ADAM2: variants seen among roughly 807,000 people sequenced by gnomAD.
ADAM2 encodes the protein disintegrin and metalloproteinase domain-containing protein 2.
In ADAM2, 101 loss-of-function variants were observed where a neutral mutation model predicts 99.3. That is an observed-to-expected ratio of 1.02 (90% CI 0.87 to 1.20). The LOEUF (loss-of-function observed/expected upper bound fraction) is 1.20. Ranked by LOEUF, ADAM2 falls within the 50% of genes most tolerant of loss-of-function variation. The probability of loss-of-function intolerance (pLI) is 0.00; values close to 1 mark genes in which losing one functional copy is unlikely to be tolerated. For synonymous variants in ADAM2, 323 were observed against 287.6 expected (o/e 1.12, Z -1.25); for missense variants, 948 against 878.7 (o/e 1.08, Z -1.00).
intron 10 of ADAM2, among the ~76,000 whole-genome samples, chr8:39,779,389 C>T (rs1803130188): frequency 6.6e-6 from 1 of 152,082 alleles, no homozygotes; most frequent in South Asian, 2.1e-4. Flanking sequence ...AGCCCCCCAC[C>T]ATGACCTATT....
intron 11 of ADAM2, among the ~76,000 whole-genome samples, chr8:39,771,928 A>G (rs1163304414): frequency 6.6e-6 from 1 of 152,036 alleles, no homozygotes; most frequent in African/African-American, 2.4e-5. Flanking sequence ...TAACATTGTC[A>G]TTAGAAAGTC....
chr8:39,801,929 G>A (rs1804230422), intron 7 of ADAM2, among the ~76,000 whole-genome samples: 1 of 152,066 alleles, frequency 6.6e-6, no homozygotes, highest in Admixed American at 6.5e-5. Flanking sequence ...CCCGCCCAGG[G>A]AGCTTAGGCA....
Position 39,823,286 on chromosome 8 carries a change from A to C in ADAM2, c.267+1533T>G, listed in dbSNP as rs527870721. ...TTTTGTAGATAAGTCTTTATTTATC[A>C]AGATAATATGACTTTAGGAATGGGA... On this transcript the variant is annotated intron_variant, in intron 4 of 20. Transcript: ENST00000265708. Among the ~76,000 whole-genome samples, 3 of 152,280 alleles carry C rather than the reference A, an allele frequency of 2.0e-5. No individual in the cohort carries two copies. In the East Asian group the frequency reaches 5.8e-4, roughly 29 times the overall value.
At chr8:39,800,286 C>T (rs1285020133) in intron 7 of ADAM2, among the ~76,000 whole-genome samples, 2 of 152,160 alleles carry the variant, frequency 1.3e-5, no homozygotes, top group Non-Finnish European at 2.9e-5. Context: ...ACTTATGATG[C>T]TTAATTTGGC....
intron 7 of ADAM2, among the ~76,000 whole-genome samples, chr8:39,794,082 T>C (rs1205871272): frequency 3.3e-5 from 5 of 152,184 alleles, no homozygotes; most frequent in Admixed American, 6.6e-5. Flanking sequence ...TGCATGTGTT[T>C]TTATGAACTA....
At chr8:39,756,347 T>A (rs1802150688) in intron 15 of ADAM2, among the ~76,000 whole-genome samples, 2 of 152,216 alleles carry the variant, frequency 1.3e-5, no homozygotes, top group Non-Finnish European at 2.9e-5. Context: ...TTAACAAAAA[T>A]AACCATTAAT....
At chr8:39,752,791 A>C (rs1039727918) in intron 16 of ADAM2, among the ~76,000 whole-genome samples, 2 of 152,000 alleles carry the variant, frequency 1.3e-5, no homozygotes, top group Non-Finnish European at 2.9e-5. Context: ...TGGTTTTATA[A>C]AGGGCAGTTC....
intron 10 of ADAM2, among the ~76,000 whole-genome samples, chr8:39,786,634 C>G (rs1803477776): frequency 6.6e-6 from 1 of 152,068 alleles, no homozygotes; most frequent in East Asian, 1.9e-4. Flanking sequence ...ATTATGTTCA[C>G]TACATAATTA....
At chr8:39,779,147 C>A (rs1803119059) in intron 10 of ADAM2, among the ~76,000 whole-genome samples, 1 of 151,716 alleles carries the variant, frequency 6.6e-6, no homozygotes, top group African/African-American at 2.4e-5. Context: ...ATCAAAATAC[C>A]AAAGACTTGA....
chr8:39,796,809 T>C (rs998247376), intron 7 of ADAM2, among the ~76,000 whole-genome samples: 4 of 152,242 alleles, frequency 2.6e-5, no homozygotes, highest in Non-Finnish European at 4.4e-5. Flanking sequence ...GGAGCTTTTT[T>C]TTCCATATGT....
At chr8:39,831,694 G>A (rs1383576009) in intron 3 of ADAM2, among the ~76,000 whole-genome samples, 1 of 152,098 alleles carries the variant, frequency 6.6e-6, no homozygotes, top group East Asian at 1.9e-4. Context: ...AAATATTCTT[G>A]AAGAGTAGAT....
intron 16 of ADAM2, among the ~76,000 whole-genome samples, chr8:39,752,876 G>A (rs1403635385): frequency 6.6e-6 from 1 of 152,110 alleles, no homozygotes; most frequent in Non-Finnish European, 1.5e-5. Flanking sequence ...CCATGATTGT[G>A]AGGCCTCCCC....
intron 3 of ADAM2, 44 bp downstream of exon 3, chr8:39,833,900 T>G (rs1805714007): frequency 9.5e-7 from 1 of 1,057,512 alleles, no homozygotes; most frequent in Non-Finnish European, 1.5e-6. Context: ...GCAAAAATTA[T>G]AAGTAGAACA....
At chr8:39,757,445 G>T (rs1244076704) in intron 15 of ADAM2, among the ~76,000 whole-genome samples, 12 of 152,196 alleles carry the variant, frequency 7.9e-5, no homozygotes, top group African/African-American at 2.7e-4. Flanking sequence ...CAAGGTTGAA[G>T]ATTCTTAGCT....
chr8:39,779,089 T>C (rs998799610), intron 10 of ADAM2, among the ~76,000 whole-genome samples: 1 of 152,132 alleles, frequency 6.6e-6, no homozygotes, highest in African/African-American at 2.4e-5. Context: ...TTTCCTTTTA[T>C]TGTATTTCCT....
chr8:39,834,732 CAAAAAAAAAAA>C (rs79431764), intron 2 of ADAM2, among the ~76,000 whole-genome samples: 4 of 52,962 alleles, frequency 7.6e-5, no homozygotes, highest in East Asian at 7.2e-4. Context: ...AAGACTCCAT[CAAAAAAAAAAA>C]AAAAAAAAAA....
At chr8:39,789,043 T>C (rs1283457098) in intron 7 of ADAM2, among the ~76,000 whole-genome samples, 1 of 151,580 alleles carries the variant, frequency 6.6e-6, no homozygotes, top group Non-Finnish European at 1.5e-5. Flanking sequence ...AGTTTAGCTC[T>C]AAACCGGAAT....
At position 39,821,128 on chromosome 8, in the gene ADAM2, G is replaced by A; in HGVS notation, c.387C>T (p.Pro129=). 2 of 1,609,794 alleles carry A rather than the reference G, an allele frequency of 1.2e-6. 1 individual carries two copies. The highest frequency in any genetic ancestry group is 2.2e-5 in the South Asian group (2 of 90,314). ...QFENVSYGIE[P]LESSVGFEHV... ...GTTCAAAGCCAACTGAAGACTCCAGGGGTTCTATTCCATAACTAACATTTT... is the reference window on the plus strand; with the variant it reads ...GTTCAAAGCCAACTGAAGACTCCAGAGGTTCTATTCCATAACTAACATTTT... The change falls in exon 6 of 21, where the codon CCC becomes CCT. Residue 129 remains proline (P), a synonymous_variant. Transcript: ENST00000265708.
At chr8:39,805,235 G>A (rs1041091904) in intron 7 of ADAM2, among the ~76,000 whole-genome samples, 34 of 152,260 alleles carry the variant, frequency 2.2e-4, no homozygotes, top group African/African-American at 8.2e-4. Flanking sequence ...ATCACATTGG[G>A]GATTATGTTT....
Sources: allele counts gnomAD v4.1 joint callset (sites outside exome capture counted in the v4.1 genomes callset), GRCh38; gene constraint gnomAD v4.1.1; transcripts MANE v1.5; gene names NCBI Gene and HGNC (gene_info 2026-07-23, HGNC 2026-07-21).